PPARA: variants seen among roughly 807,000 people sequenced by gnomAD.
PPARA encodes the protein peroxisome proliferator activated receptor alpha.
In PPARA, 22 loss-of-function variants were observed where a neutral mutation model predicts 42.2. The observed-to-expected ratio is 0.52, with a 90% CI of 0.37 to 0.74. The LOEUF (loss-of-function observed/expected upper bound fraction) is 0.74, where lower values mean the gene tolerates loss of function less well. Among genes scored for constraint, PPARA ranks in the 30% least tolerant of loss-of-function variants. PPARA has a pLI of 0.00. For synonymous variants in PPARA, 242 were observed against 239.3 expected (o/e 1.01, Z -0.10); for missense variants, 465 against 608.2 (o/e 0.76, Z 2.48).
Position 46,185,936 on chromosome 22 carries a change from T to A in PPARA, c.-43+9100T>A, listed in dbSNP as rs1344169281. Among the ~76,000 whole-genome samples the A allele has an allele frequency of 2.4e-3, 84 of 34,420 alleles. 6 individuals carry two copies. Among genetic ancestry groups the A allele is most frequent in the African/African-American group, 5.9e-3 (64 of 10,786 alleles). 22.6% of individuals were successfully genotyped at this position (34,420 alleles called of 152,430 possible). Reference sequence around the variant, plus strand: ...AAAAAAATATATATATATATATATATATATATATATATATATATATATATA... The same window carrying A: ...AAAAAAATATATATATATATATATAAATATATATATATATATATATATATA... On this transcript the variant is annotated intron_variant, in intron 3 of 8. Transcript: ENST00000407236.
chr22:46,193,790 G>C lies in PPARA; in HGVS notation c.-42-4552G>C, dbSNP rs1931866300. On this transcript the variant is annotated intron_variant, in intron 3 of 8. Coordinates refer to ENST00000407236, the MANE Select transcript of PPARA (RefSeq NM_005036.6). The surrounding 1 kb of genome is among the most constrained non-coding windows in gnomAD (Gnocchi z 5.3). ...TCTCAGCTTTTGTGAGACTCTGTCT[G>C]TGCTATGAAACTGAAGATCTAATTC... is the stretch of plus-strand genomic sequence containing the variant. Among the ~76,000 whole-genome samples the C allele has an allele frequency of 6.6e-6, 1 of 152,180 alleles. No homozygotes were observed. Among genetic ancestry groups the C allele is most frequent in the Non-Finnish European group, 1.5e-5 (1 of 68,034 alleles).
At position 46,234,060 on chromosome 22, in the gene PPARA, G is replaced by A. The variant is rs545497130; in HGVS notation, c.1160-1073G>A. On this transcript the variant is annotated intron_variant, in intron 8 of 8. Transcript: ENST00000407236. This position sits in a 1 kb window ranked among gnomAD's most constrained non-coding sequence, Gnocchi z 5.8. ...GCTGGTCTCAAACTCCTGACCCCGG[G>A]TGACCCACCCACCTCGGCCTCCCAA... Among the ~76,000 whole-genome samples the A allele has an allele frequency of 1.3e-5, 2 of 152,214 alleles. No homozygotes were observed. Among genetic ancestry groups the A allele is most frequent in the Non-Finnish European group, 2.9e-5 (2 of 68,018 alleles).
At position 46,180,687 on chromosome 22, in the gene PPARA, T is replaced by C. The variant is rs1477243550; in HGVS notation, c.-43+3851T>C. 6.6e-6 allele frequency among the ~76,000 whole-genome samples: 1 copy of C among 152,200 alleles called. No individual in the cohort carries two copies. The highest frequency in any genetic ancestry group is 6.5e-5 in the Admixed American group (1 of 15,270). ...ATGCGTAAAAGGTACTTGCCTTCTT[T>C]GTTTGGTGCTCTGACTTTCTGGATG... On this transcript the variant is annotated intron_variant, in intron 3 of 8. Transcript: ENST00000407236. The surrounding 1 kb of genome is among the most constrained non-coding windows in gnomAD (Gnocchi z 4.2).
At chr22:46,199,499 C>T (rs1385714597) in intron 4 of PPARA, among the ~76,000 whole-genome samples, 1 of 151,964 alleles carries the variant, frequency 6.6e-6, no homozygotes, top group South Asian at 2.1e-4. Flanking sequence ...AAAAAATTAG[C>T]CAGGCATGGT....
At chr22:46,170,655 A>G (rs1191829680) in intron 2 of PPARA, among the ~76,000 whole-genome samples, 1 of 151,736 alleles carries the variant, frequency 6.6e-6, no homozygotes, top group Non-Finnish European at 1.5e-5. Flanking sequence ...GGAGAGGAAG[A>G]TGACAGACAA....
In PPARA at chr22:46,188,850, A is replaced by G; in HGVS notation, c.-42-9492A>G. 1 of 152,342 alleles carries G rather than the reference A, an allele frequency of 6.6e-6. No homozygotes were observed. The highest frequency in any genetic ancestry group is 1.5e-5 in the Non-Finnish European group (1 of 68,052). The allele number at this position is 152,342 out of a possible 1,614,324, so 9.4% of individuals were successfully genotyped here. ...GCGTACTCATGTGTTCCACGAGTTC[A>G]AGCCTCAGCCCTGTAAAGTTTGCCT... On this transcript the variant is annotated intron_variant, in intron 3 of 8. Coordinates refer to ENST00000407236, the MANE Select transcript of PPARA (RefSeq NM_005036.6). This position sits in a 1 kb window ranked among gnomAD's most constrained non-coding sequence, Gnocchi z 5.0.
rs1236259849 is a variant in PPARA, at chr22:46,204,832, T to C, written c.208+6241T>C. Among the ~76,000 whole-genome samples, 7 of 149,582 alleles carry C rather than the reference T, an allele frequency of 4.7e-5. No homozygotes were observed. The South Asian group carries it at 1.0e-3, about 22-fold the overall frequency. ...GTCTTTCTTTTCTTTCTACTGATAG[T>C]ATCTTAAAAAAAAAAAAGAAAAAAG... On this transcript the variant is annotated intron_variant, in intron 4 of 8. Transcript: ENST00000407236. The surrounding 1 kb of genome is among the most constrained non-coding windows in gnomAD (Gnocchi z 5.2).
chr22:46,218,212 T>C (rs1934671915), intron 5 of PPARA, 51 bp from the exon 6 acceptor site: 1 of 1,609,810 alleles, frequency 6.2e-7, no homozygotes, highest in South Asian at 1.1e-5. Context: ...GCAAGTGCGC[T>C]GGTTTCTCAG....
chr22:46,235,416 C>T lies in PPARA; in HGVS notation c.*36C>T, dbSNP rs1226934555. The T allele has an allele frequency of 1.9e-6, 3 of 1,608,850 alleles. No homozygotes were observed. Among genetic ancestry groups the T allele is most frequent in the Non-Finnish European group, 2.5e-6 (3 of 1,178,368 alleles). On this transcript the variant is annotated 3_prime_UTR_variant, in exon 9 of 9. Coordinates refer to ENST00000407236, the MANE Select transcript of PPARA (RefSeq NM_005036.6). The surrounding 1 kb of genome is among the most constrained non-coding windows in gnomAD (Gnocchi z 7.0). ...ATCAGCCACACCTTTTCCAGGAGTT[C>T]TGAAGCTGACAGCACTACAAAGGAG...
At position 46,163,175 on chromosome 22, in the gene PPARA, CGTT is replaced by C. The variant is rs1332392967; in HGVS notation, c.-127+11208_-127+11210del. ...GAACGGAATGTGCGGCTCCAGATGT[CGTT>C]GTCTTTAAACTTCGGAATTTCCTTT... On this transcript the variant is annotated intron_variant, in intron 2 of 8. Coordinates refer to ENST00000407236, the MANE Select transcript of PPARA (RefSeq NM_005036.6). This position sits in a 1 kb window ranked among gnomAD's most constrained non-coding sequence, Gnocchi z 4.9. 1.3e-5 allele frequency: 2 copies of C among 152,206 alleles called. No individual in the cohort carries two copies. The highest frequency in any genetic ancestry group is 2.4e-5 in the African/African-American group (1 of 41,438). The allele number at this position is 152,206 out of a possible 1,614,324, so 9.4% of individuals were successfully genotyped here. A position where few individuals can be genotyped will look rare whatever the true frequency, so the allele number is the denominator to read the frequency against.
Position 46,196,826 on chromosome 22 carries a change from G to T in PPARA, c.-42-1516G>T, listed in dbSNP as rs985311116. ...CAACCTCCGCCTCCCATGTTCAAGC[G>T]GTTCTCCTGCCTCAACCTCCTGAGT... On this transcript the variant is annotated intron_variant, in intron 3 of 8. Coordinates refer to ENST00000407236, the MANE Select transcript of PPARA (RefSeq NM_005036.6). The surrounding 1 kb of genome is among the most constrained non-coding windows in gnomAD (Gnocchi z 5.6). 6.6e-6 allele frequency among the ~76,000 whole-genome samples: 1 copy of T among 152,130 alleles called. No individual in the cohort carries two copies. The highest frequency in any genetic ancestry group is 1.5e-5 in the Non-Finnish European group (1 of 68,026).
At chr22:46,179,730 T>G (rs1601663856) in intron 3 of PPARA, among the ~76,000 whole-genome samples, 2 of 151,296 alleles carry the variant, frequency 1.3e-5, no homozygotes, top group East Asian at 3.9e-4. Flanking sequence ...TTCATCAAAA[T>G]GAAACTTTTA....
Position 46,243,519 on chromosome 22 carries a change from T to G in PPARA, c.*8139T>G, listed in dbSNP as rs913992932. On this transcript the variant is annotated 3_prime_UTR_variant, in exon 9 of 9. Coordinates refer to ENST00000407236, the MANE Select transcript of PPARA (RefSeq NM_005036.6). The surrounding 1 kb of genome is among the most constrained non-coding windows in gnomAD (Gnocchi z 5.0). ...TAATTTTTCTAGTCACATGAACTGATTGGTTCCAGGCAATTAGAAAATGGC... is the reference window on the plus strand; with the variant it reads ...TAATTTTTCTAGTCACATGAACTGAGTGGTTCCAGGCAATTAGAAAATGGC... 1 of 152,086 alleles carries G rather than the reference T, an allele frequency of 6.6e-6. No individual in the cohort carries two copies. The highest frequency in any genetic ancestry group is 1.9e-4 in the East Asian group (1 of 5,200). The allele number at this position is 152,086 out of a possible 1,614,324, so 9.4% of individuals were successfully genotyped here.
At position 46,160,143 on chromosome 22, in the gene PPARA, G is replaced by A. The variant is rs1418902531; in HGVS notation, c.-127+8173G>A. Among the ~76,000 whole-genome samples, 1 of 152,236 alleles carries A rather than the reference G, an allele frequency of 6.6e-6. No individual in the cohort carries two copies. Among genetic ancestry groups the A allele is most frequent in the Non-Finnish European group, 1.5e-5 (1 of 68,044 alleles). Reference sequence around the variant, plus strand: ...AGCAGGCTCCCATTCCCAGCTAAGGGTGGCAGCTGGCGGGGATCTTTCCAG... The same window carrying A: ...AGCAGGCTCCCATTCCCAGCTAAGGATGGCAGCTGGCGGGGATCTTTCCAG... On this transcript the variant is annotated intron_variant, in intron 2 of 8. Coordinates refer to ENST00000407236, the MANE Select transcript of PPARA (RefSeq NM_005036.6). The surrounding 1 kb of genome is among the most constrained non-coding windows in gnomAD (Gnocchi z 4.5).
chr22:46,220,371 G>A (rs868466135), intron 7 of PPARA: 3 of 348,840 alleles, frequency 8.6e-6, no homozygotes, highest in African/African-American at 6.4e-5. Flanking sequence ...CTGGAATGCA[G>A]TGGTGCAATC....
In PPARA at chr22:46,236,119, T is replaced by C. The variant is rs576016909; in HGVS notation, c.*739T>C. 6.5e-6 allele frequency: 1 copy of C among 153,020 alleles called. No individual in the cohort carries two copies. Among genetic ancestry groups the C allele is most frequent in the Non-Finnish European group, 1.5e-5 (1 of 68,566 alleles). The allele number at this position is 153,020 out of a possible 1,614,324, so 9.5% of individuals were successfully genotyped here. A position where few individuals can be genotyped will look rare whatever the true frequency, so the allele number is the denominator to read the frequency against. On this transcript the variant is annotated 3_prime_UTR_variant, in exon 9 of 9. Transcript: ENST00000407236. This position sits in a 1 kb window ranked among gnomAD's most constrained non-coding sequence, Gnocchi z 5.2. The stretch of plus-strand genomic sequence containing the variant: ...AAAATTAGCCGGGTGTGGTGGCACA[T>C]GCCTGTAATCCCAGCTACTCGGGAA...
chr22:46,201,127 A>G (rs1932814918), intron 4 of PPARA, among the ~76,000 whole-genome samples: 1 of 150,326 alleles, frequency 6.7e-6, no homozygotes, highest in South Asian at 2.1e-4. Context: ...TCCGTCTCAA[A>G]AAAAAAAAAA....
intron 7 of PPARA, among the ~76,000 whole-genome samples, chr22:46,226,740 G>T (rs1319438939): frequency 6.6e-6 from 1 of 152,156 alleles, no homozygotes; most frequent in East Asian, 1.9e-4. Flanking sequence ...GGGCATGGTG[G>T]TGTGCGCCTG....
rs1934963889 is a variant in PPARA at position 46,221,107 on chromosome 22, T to C, written c.711+1093T>C. On this transcript the variant is annotated intron_variant, in intron 7 of 8. Transcript: ENST00000407236. This position sits in a 1 kb window ranked among gnomAD's most constrained non-coding sequence, Gnocchi z 5.9. ...TGCTTCTGGGGAGGCCTCAGGGAATTTGACTCATAGCAGAAGGTGAAGTGG... is the reference window on the plus strand; with the variant it reads ...TGCTTCTGGGGAGGCCTCAGGGAATCTGACTCATAGCAGAAGGTGAAGTGG... Among the ~76,000 whole-genome samples the C allele has an allele frequency of 6.6e-6, 1 of 152,130 alleles. No individual in the cohort carries two copies. Among genetic ancestry groups the C allele is most frequent in the Admixed American group, 6.6e-5 (1 of 15,252 alleles).
Sources: gnomAD v4.1 joint callset for allele counts (sites outside exome capture counted in the v4.1 genomes callset) on GRCh38, gnomAD v4.1.1 for gene constraint, Gnocchi (gnomAD v3.1) non-coding constraint, MANE v1.5 for transcripts, NCBI Gene and HGNC (gene_info 2026-07-23, HGNC 2026-07-21) for gene names.